Variants in ZBTB2 observed in about 807,000 individuals in gnomAD.
The protein encoded by ZBTB2 is zinc finger and BTB domain containing 2, also known as zinc finger and BTB domain-containing protein 2.
In ZBTB2, 2 loss-of-function variants were observed where a neutral mutation model predicts 39.5. That is an observed-to-expected ratio of 0.05 (90% CI 0.02 to 0.16). ZBTB2 has a LOEUF of 0.16. Ranked by LOEUF, ZBTB2 falls within the 10% of genes least tolerant of loss-of-function variation. The probability of loss-of-function intolerance (pLI) is 1.00; values close to 1 mark genes in which losing one functional copy is unlikely to be tolerated. For synonymous variants in ZBTB2, 251 were observed against 256.6 expected (o/e 0.98, Z 0.21); for missense variants, 391 against 653.0 (o/e 0.60, Z 4.37).
intron 1 of ZBTB2, among the ~76,000 whole-genome samples, chr6:151,388,179 T>G (rs1779203099): frequency 6.6e-6 from 1 of 152,196 alleles, no homozygotes; most frequent in Non-Finnish European, 1.5e-5. Flanking sequence ...AAATGACCTT[T>G]CCCAGGTGCA....
In ZBTB2 at chr6:151,377,706, A is replaced by AT. The variant is rs1467708759; in HGVS notation, c.-12-4058dup. 7.3e-5 allele frequency among the ~76,000 whole-genome samples: 11 copies of AT among 151,658 alleles called. No individual in the cohort carries two copies. The South Asian group carries it at 1.9e-3, about 26-fold the overall frequency. ...AAGCGCCCACCACCATGCCCAGCTT[A>AT]TTTTTTAGTAGAGATGGGGTTTCAC... On this transcript the variant is annotated intron_variant, in intron 1 of 2. Coordinates refer to ENST00000325144, the MANE Select transcript of ZBTB2 (RefSeq NM_020861.3).
intron 1 of ZBTB2, among the ~76,000 whole-genome samples, chr6:151,386,592 CTTTG>C (rs889302194): frequency 5.9e-5 from 9 of 152,156 alleles, no homozygotes; most frequent in Admixed American, 3.9e-4. Flanking sequence ...TGGAGATTGC[CTTTG>C]TTTTTTATAT....
rs1006206411 is a variant in ZBTB2, at chr6:151,373,103, C to T, written c.173+362G>A. Among the ~76,000 whole-genome samples, 4 of 132,516 alleles carry T rather than the reference C, an allele frequency of 3.0e-5. No homozygotes were observed. In the Admixed American group the frequency reaches 3.6e-4, roughly 12 times the overall value. 86.9% of individuals were successfully genotyped at this position (132,516 alleles called of 152,430 possible). ...CCGGGAGGCGGAGCTTGCAGTGAGC[C>T]GAGATTGCACCACTGCACTCCAGCC... On this transcript the variant is annotated intron_variant, in intron 2 of 2. Transcript: ENST00000325144.
chr6:151,370,957 C>T (rs1439718622), intron 2 of ZBTB2, among the ~76,000 whole-genome samples: 1 of 152,194 alleles, frequency 6.6e-6, no homozygotes, highest in Non-Finnish European at 1.5e-5. Context: ...TTATTTACTG[C>T]CCTATACTTA....
At chr6:151,384,838 G>C (rs568531287) in intron 1 of ZBTB2, among the ~76,000 whole-genome samples, 10 of 152,160 alleles carry the variant, frequency 6.6e-5, no homozygotes, top group Non-Finnish European at 4.4e-5. Flanking sequence ...AGTTGAGAGA[G>C]GTTAAAATTA....
intron 1 of ZBTB2, among the ~76,000 whole-genome samples, chr6:151,385,745 C>A (rs891393872): frequency 6.6e-6 from 1 of 152,096 alleles, no homozygotes; most frequent in African/African-American, 2.4e-5. Context: ...GTAGTTTAGA[C>A]CACTTACTAG....
At chr6:151,391,203 C>G (rs1206282074) in intron 1 of ZBTB2, among the ~76,000 whole-genome samples, 1 of 151,464 alleles carries the variant, frequency 6.6e-6, no homozygotes, top group African/African-American at 2.4e-5. Flanking sequence ...CCCCTGCCCT[C>G]GCTTCCCAGA....
At chr6:151,371,978 T>C (rs954266794) in intron 2 of ZBTB2, among the ~76,000 whole-genome samples, 2 of 152,062 alleles carry the variant, frequency 1.3e-5, no homozygotes, top group African/African-American at 4.8e-5. Context: ...CAAAAGGAGA[T>C]ACTCAACTCT....
chr6:151,390,448 G>T (rs1177748479), intron 1 of ZBTB2, among the ~76,000 whole-genome samples: 6 of 149,388 alleles, frequency 4.0e-5, no homozygotes, highest in Admixed American at 4.0e-4. Context: ...GCGTGCGCGC[G>T]CGCGCTCGCC....
In ZBTB2 at chr6:151,366,227, G is replaced by C. The variant is rs764626344; in HGVS notation, c.839C>G (p.Pro280Arg). The change falls in exon 3 of 3, where the codon CCT (proline) becomes CGT (arginine). Residue 280 changes from proline (P) to arginine (R), a missense_variant. Physicochemically the swap from Pro to Arg is moderately radical, Grantham distance 103. Around this residue, in one of 7 missense-constraint regions of ZBTB2, gnomAD observed 80 missense variants for 125.2 expected, o/e 0.64. Transcript: ENST00000325144. This position sits in a 1 kb window ranked among gnomAD's most constrained non-coding sequence, Gnocchi z 7.1. ...REHLQIHTGV[P>R]FTSSQQGESR... is the part of the protein sequence containing the mutation. ...TTCTCCCTGTTGGCTAGATGTGAAAGGTACTCCTGTGTGGATCTGGAGGTG... is the reference window on the plus strand; with the variant it reads ...TTCTCCCTGTTGGCTAGATGTGAAACGTACTCCTGTGTGGATCTGGAGGTG... 11 of 1,614,056 alleles carry C rather than the reference G, an allele frequency of 6.8e-6. No homozygotes were observed. In the East Asian group the frequency reaches 2.2e-4, roughly 33 times the overall value.
At chr6:151,375,820 C>T (rs777670254) in intron 1 of ZBTB2, among the ~76,000 whole-genome samples, 21 of 152,106 alleles carry the variant, frequency 1.4e-4, no homozygotes, top group Non-Finnish European at 2.6e-4. Flanking sequence ...CCACCCGCCT[C>T]GGCCTCCCAA....
intron 1 of ZBTB2, among the ~76,000 whole-genome samples, chr6:151,383,906 A>G (rs1048524145): frequency 6.6e-6 from 1 of 152,058 alleles, no homozygotes; most frequent in African/African-American, 2.4e-5. Context: ...ATCATTTACT[A>G]TTTTATCCCA....
intron 2 of ZBTB2, among the ~76,000 whole-genome samples, chr6:151,367,400 C>T (rs147533442): frequency 0.01 from 1,523 of 152,246 alleles, 28 homozygotes; most frequent in African/African-American, 0.034. Flanking sequence ...GGATTATAGG[C>T]GTGAGCCACC....
At chr6:151,389,813 C>T (rs1208125332) in intron 1 of ZBTB2, among the ~76,000 whole-genome samples, 3 of 152,120 alleles carry the variant, frequency 2.0e-5, no homozygotes, top group Admixed American at 6.5e-5. Context: ...TTCTCCCGGC[C>T]CAGGCACTCG....
intron 1 of ZBTB2, among the ~76,000 whole-genome samples, chr6:151,390,194 G>A (rs1364628968): frequency 6.6e-6 from 1 of 152,000 alleles, no homozygotes; most frequent in East Asian, 2.0e-4. Context: ...TGCAGCCTCA[G>A]CGAGCAGGCG....
At chr6:151,384,786 C>T (rs1304568706) in intron 1 of ZBTB2, among the ~76,000 whole-genome samples, 1 of 152,162 alleles carries the variant, frequency 6.6e-6, no homozygotes, top group South Asian at 2.1e-4. Context: ...TGTGAATTGT[C>T]TGCGTCTTCA....
intron 1 of ZBTB2, among the ~76,000 whole-genome samples, chr6:151,377,833 C>G (rs761770254): frequency 6.6e-6 from 1 of 151,898 alleles, no homozygotes; most frequent in Non-Finnish European, 1.5e-5. Context: ...CGTGCCCGGG[C>G]AAGTTAAATT....
chr6:151,383,420 C>T (rs1779084783), intron 1 of ZBTB2, among the ~76,000 whole-genome samples: 1 of 152,084 alleles, frequency 6.6e-6, no homozygotes, highest in African/African-American at 2.4e-5. Context: ...TTTTGAAATA[C>T]AAGGATTATT....
chr6:151,368,705 C>T (rs1285950350), intron 2 of ZBTB2, among the ~76,000 whole-genome samples: 2 of 151,814 alleles, frequency 1.3e-5, no homozygotes, highest in African/African-American at 2.4e-5. Flanking sequence ...CTGCCCACCT[C>T]GGCCTCCCAA....
Sources: allele counts gnomAD v4.1 joint callset (sites outside exome capture counted in the v4.1 genomes callset), GRCh38; gene constraint gnomAD v4.1.1; regional missense constraint gnomAD v4.1.1; non-coding constraint Gnocchi (gnomAD v3.1); transcripts MANE v1.5; gene names NCBI Gene and HGNC (gene_info 2026-07-23, HGNC 2026-07-21).